The following RBFOX1 variants were observed in gnomAD, a reference collection of about 807,000 sequenced individuals.
The protein encoded by RBFOX1 is RNA binding protein fox-1 homolog 1.
A neutral mutation model predicts 57.7 loss-of-function variants in RBFOX1; 8 were observed. That is an observed-to-expected ratio of 0.14 (90% CI 0.08 to 0.25). RBFOX1 has a LOEUF of 0.25. Among genes scored for constraint, RBFOX1 ranks in the 10% least tolerant of loss-of-function variants. The pLI is 1.00. For synonymous variants in RBFOX1, 326 were observed against 222.4 expected, an observed-to-expected ratio of 1.47 and a Z score of -4.15; for missense variants, 611 against 548.5, an observed-to-expected ratio of 1.11 and a Z score of -1.14.
At chr16:6,714,695 G>A (rs533068371) in intron 3 of RBFOX1, among the ~76,000 whole-genome samples, 3 of 152,198 alleles carry the variant, frequency 2.0e-5, no homozygotes, top group African/African-American at 7.2e-5. Context: ...AAATTGGTGG[G>A]GCCCTGGAGT....
chr16:7,331,092 T>G (rs540444269), intron 4 of RBFOX1, among the ~76,000 whole-genome samples: 10 of 152,282 alleles, frequency 6.6e-5, no homozygotes, highest in African/African-American at 2.4e-4. Flanking sequence ...CCTTAAATAA[T>G]TGAATTCTCT....
chr16:7,191,370 A>C lies in RBFOX1; in HGVS notation c.27+139272A>C, dbSNP rs1159816584. 2.6e-5 allele frequency among the ~76,000 whole-genome samples: 4 copies of C among 151,576 alleles called. No homozygotes were observed. In the East Asian group the frequency reaches 7.8e-4, roughly 29 times the overall value. Reference sequence around the variant, plus strand: ...AAAAAAAACAGCACATTGCTACAATATTTCCTGGATGCTTTACAATACACT... The same window carrying C: ...AAAAAAAACAGCACATTGCTACAATCTTTCCTGGATGCTTTACAATACACT... On this transcript the variant is annotated intron_variant, in intron 4 of 15. Coordinates refer to ENST00000550418, the MANE Select transcript of RBFOX1 (RefSeq NM_018723.4).
At chr16:6,198,258 C>T (rs1429335348) in intron 1 of RBFOX1, among the ~76,000 whole-genome samples, 2 of 152,026 alleles carry the variant, frequency 1.3e-5, no homozygotes, top group South Asian at 2.1e-4. Context: ...ATTGAATGTG[C>T]ACACAGAAAA....
At chr16:7,305,506 T>C (rs2096159161) in intron 4 of RBFOX1, among the ~76,000 whole-genome samples, 1 of 152,186 alleles carries the variant, frequency 6.6e-6, no homozygotes, top group Non-Finnish European at 1.5e-5. Context: ...ACAGTGATTA[T>C]ACTCATTTTA....
rs1418096983 is a variant in RBFOX1 at position 6,836,304 on chromosome 16, C to T, written c.-16+181654C>T. ...CAATGAGATAGTTAAGGATTTTCAG[C>T]TCTGTGGTTGAATTACTCCAAAGAA... On this transcript the variant is annotated intron_variant, in intron 3 of 15. Transcript: ENST00000550418. 2.6e-5 allele frequency among the ~76,000 whole-genome samples: 4 copies of T among 152,134 alleles called. No homozygotes were observed. In the East Asian group the frequency reaches 7.7e-4, roughly 29 times the overall value.
chr16:5,715,345 T>C (rs1596920301), intron 3 of RBFOX1, among the ~76,000 whole-genome samples: 1 of 152,344 alleles, frequency 6.6e-6, no homozygotes, highest in African/African-American at 2.4e-5. Flanking sequence ...TTCCCTGCCA[T>C]AACTCACCTC....
At chr16:6,738,947 A>G (rs954836734) in intron 3 of RBFOX1, among the ~76,000 whole-genome samples, 1 of 152,230 alleles carries the variant, frequency 6.6e-6, no homozygotes, top group African/African-American at 2.4e-5. Flanking sequence ...TAATGAAAAT[A>G]AACATACAGT....
At chr16:5,298,389 C>T (rs1596445721) in intron 1 of RBFOX1, among the ~76,000 whole-genome samples, 2 of 151,448 alleles carry the variant, frequency 1.3e-5, no homozygotes, top group South Asian at 4.2e-4. Context: ...AGAATGATGG[C>T]GTTTTGATTT....
intron 1 of RBFOX1, among the ~76,000 whole-genome samples, chr16:6,084,631 A>G (rs538448464): frequency 4.5e-4 from 68 of 152,066 alleles, no homozygotes; most frequent in Non-Finnish European, 8.2e-4. Context: ...AAAAAAAAAC[A>G]GTGACATGGT....
chr16:5,239,768 T>G, upstream of RBFOX1: 6 of 560,764 alleles, frequency 1.1e-5, no homozygotes, highest in Non-Finnish European at 1.8e-5. Context: ...CCGGCCCCGA[T>G]GCCCAGCTCC....
intron 3 of RBFOX1, among the ~76,000 whole-genome samples, chr16:6,943,053 T>C (rs2078837699): frequency 6.6e-6 from 1 of 152,186 alleles, no homozygotes; most frequent in Non-Finnish European, 1.5e-5. Context: ...GCTCCCTGAA[T>C]GCCTTTACGT....
At chr16:6,345,281 G>A (rs527500767) in intron 2 of RBFOX1, among the ~76,000 whole-genome samples, 10 of 152,280 alleles carry the variant, frequency 6.6e-5, no homozygotes, top group East Asian at 5.8e-4. Context: ...AAGCAACTGC[G>A]TACTGCTCCT....
In RBFOX1 at chr16:5,608,752, A is replaced by G. The variant is rs185988514; in HGVS notation, c.318+9791A>G. ...GATACACTGCTTAACTCTCCCTCCC[A>G]TCCCCTATCCTCTGAAGGTAGCTGG... is the stretch of plus-strand genomic sequence containing the variant. On this transcript the variant is annotated intron_variant, in intron 3 of 19. Coordinates refer to the RBFOX1 transcript ENST00000641259. 3.4e-3 allele frequency among the ~76,000 whole-genome samples: 521 copies of G among 152,304 alleles called. 7 individuals carry two copies. Among genetic ancestry groups the G allele is most frequent in the African/African-American group, 0.012 (508 of 41,566 alleles).
intron 3 of RBFOX1, 112 bp downstream of exon 3, chr16:6,654,762 G>A (rs1260538037): frequency 2.9e-6 from 2 of 695,752 alleles, no homozygotes; most frequent in Admixed American, 7.7e-5. Flanking sequence ...GTGATTCACG[G>A]TCTATGACAT....
At chr16:5,507,353 G>T (rs2043414220) in intron 2 of RBFOX1, among the ~76,000 whole-genome samples, 1 of 152,126 alleles carries the variant, frequency 6.6e-6, no homozygotes, top group African/African-American at 2.4e-5. Flanking sequence ...TCCATGCGAG[G>T]AGGGATTGTC....
intron 3 of RBFOX1, among the ~76,000 whole-genome samples, chr16:6,755,422 G>A (rs2075633477): frequency 6.6e-6 from 1 of 152,144 alleles, no homozygotes; most frequent in Admixed American, 6.5e-5. Context: ...GTATCTCATT[G>A]TGGTTTTGAT....
rs1328876758 is a variant in RBFOX1 at position 6,043,073 on chromosome 16, ACAT to A, written c.-127+23085_-127+23087del. Among the ~76,000 whole-genome samples the A allele has an allele frequency of 4.4e-5, 6 of 136,176 alleles. No individual in the cohort carries two copies. In the South Asian group the frequency reaches 1.2e-3, roughly 27 times the overall value. 89.3% of individuals were successfully genotyped at this position (136,176 alleles called of 152,430 possible). On this transcript the variant is annotated intron_variant, in intron 1 of 15. Coordinates refer to ENST00000550418, the MANE Select transcript of RBFOX1 (RefSeq NM_018723.4). ...GCAGAGGTTGTGTTGAGCCGAGATC[ACAT>A]CATTATACTGCAGCCTGGGCGACAG... is the stretch of plus-strand genomic sequence containing the variant.
chr16:6,308,215 A>G (rs1034757101), intron 1 of RBFOX1, among the ~76,000 whole-genome samples: 3 of 151,550 alleles, frequency 2.0e-5, no homozygotes, highest in Non-Finnish European at 4.4e-5. Context: ...ATCTATTTGG[A>G]TGGTTATTAT....
At chr16:5,957,528 A>G (rs530034874) in intron 4 of RBFOX1, among the ~76,000 whole-genome samples, 20 of 152,202 alleles carry the variant, frequency 1.3e-4, no homozygotes, top group African/African-American at 4.8e-4. Context: ...CCCAGCCATA[A>G]TTTCTAATTG....
Sources: gnomAD v4.1 joint callset for allele counts (sites outside exome capture counted in the v4.1 genomes callset) on GRCh38, gnomAD v4.1.1 for gene constraint, MANE v1.5 for transcripts, NCBI Gene and HGNC (gene_info 2026-07-23, HGNC 2026-07-21) for gene names.